CRYBG1: variants seen among roughly 807,000 people sequenced by gnomAD.
The protein encoded by CRYBG1 is crystallin beta-gamma domain containing 1.
Under a neutral mutation model 189.2 loss-of-function variants are expected in CRYBG1, and 139 were observed. The observed-to-expected ratio is 0.73, with a 90% confidence interval of 0.64 to 0.85. CRYBG1 has a LOEUF of 0.85. Among genes scored for constraint, CRYBG1 ranks in the 40% least tolerant of loss-of-function variants. CRYBG1 has a pLI of 0.00. For missense variants in CRYBG1, 2,611 were observed against 2,675.8 expected, an observed-to-expected ratio of 0.98 and a Z score of 0.53; for synonymous variants, 1,023 against 1,017.1, an observed-to-expected ratio of 1.01 and a Z score of -0.11.
intron 1 of CRYBG1, among the ~76,000 whole-genome samples, chr6:106,369,637 T>C (rs540795963): frequency 1.1e-4 from 16 of 152,324 alleles, no homozygotes; most frequent in South Asian, 4.1e-4. Flanking sequence ...ATATGCTGCA[T>C]ATAAGATAAG....
At chr6:106,489,787 CAAAAAAA>C (rs10593320) in intron 2 of CRYBG1, among the ~76,000 whole-genome samples, 6 of 81,682 alleles carry the variant, frequency 7.3e-5, no homozygotes, top group African/African-American at 1.6e-4. Flanking sequence ...ACTCTGTGTC[CAAAAAAA>C]AAAAAAAAAA....
intron 1 of CRYBG1, among the ~76,000 whole-genome samples, chr6:106,397,033 T>C (rs1384529618): frequency 1.3e-5 from 2 of 152,262 alleles, no homozygotes; most frequent in African/African-American, 2.4e-5. Flanking sequence ...ACATCTAAAC[T>C]AAAGTTGCTG....
chr6:106,562,727 T>G (rs1774760655), intron 20 of CRYBG1, among the ~76,000 whole-genome samples: 2 of 152,248 alleles, frequency 1.3e-5, no homozygotes, highest in Admixed American at 1.3e-4. Flanking sequence ...GACCTCGTGA[T>G]CCACCTGCCT....
At chr6:106,434,240 C>A (rs908108666) in intron 1 of CRYBG1, among the ~76,000 whole-genome samples, 1 of 152,020 alleles carries the variant, frequency 6.6e-6, no homozygotes, top group East Asian at 1.9e-4. Context: ...ATTACCTAGT[C>A]TTGGAAGTGA....
In CRYBG1 at chr6:106,519,889, T is replaced by C; in HGVS notation, c.2681T>C (p.Ile894Thr). ...VPKDTCVQSP[I>T]SSFPCTDLKV... The stretch of plus-strand genomic sequence containing the variant: ...AAAGACACATGTGTTCAATCACCCA[T>C]AAGCAGTTTCCCATGCACTGATCTA... The change falls in exon 4 of 22, where the codon ATA (isoleucine) becomes ACA (threonine). Residue 894 changes from isoleucine to threonine, a missense_variant. By Grantham distance (89) the Ile-to-Thr change is moderately conservative. Coordinates refer to ENST00000633556, the MANE Select transcript of CRYBG1 (RefSeq NM_001371242.2). 1 of 1,614,164 alleles carries C rather than the reference T, an allele frequency of 6.2e-7. No homozygotes were observed. Among genetic ancestry groups the C allele is most frequent in the Non-Finnish European group, 8.5e-7 (1 of 1,180,032 alleles).
chr6:106,571,412 C>T lies in CRYBG1; in HGVS notation c.*2846C>T, dbSNP rs9320182. The T allele has an allele frequency of 0.16, 24,780 of 152,378 alleles. 2,477 individuals are homozygous for T. Among genetic ancestry groups the T allele is most frequent in the African/African-American group, 0.28 (11,670 of 41,454 alleles). The allele number at this position is 152,378 out of a possible 1,614,324, so 9.4% of individuals were successfully genotyped here. On this transcript the variant is annotated 3_prime_UTR_variant, in exon 22 of 22. Coordinates refer to ENST00000633556, the MANE Select transcript of CRYBG1 (RefSeq NM_001371242.2). ...AAAGTTTTAGTATTGTACATTAAGA[C>T]GATCAGGCCCAGCAGGGTGGTTCAC...
At chr6:106,361,122 C>G in intron 1 of CRYBG1, 41 bp downstream of exon 1, 1 of 1,519,562 alleles carries the variant, frequency 6.6e-7, no homozygotes, top group South Asian at 1.2e-5. Context: ...ACCTCCTCCT[C>G]CTCCTCCTTC....
At chr6:106,401,419 A>AT (rs1770717995) in intron 1 of CRYBG1, among the ~76,000 whole-genome samples, 1 of 101,324 alleles carries the variant, frequency 9.9e-6, no homozygotes, top group African/African-American at 4.2e-5. Flanking sequence ...TTCTTTTTTT[A>AT]TTATACTCTA....
At position 106,480,500 on chromosome 6, in the gene CRYBG1, A is replaced by G. The variant is rs112862221; in HGVS notation, c.312+28668A>G. On this transcript the variant is annotated intron_variant, in intron 2 of 21. Transcript: ENST00000633556. Reference sequence around the variant, plus strand: ...TAACACGGTATTTTTTTCTCTACTGAAAAAAAAAAAAAAAAATTTAGCCAG... The same window carrying G: ...TAACACGGTATTTTTTTCTCTACTGGAAAAAAAAAAAAAAAATTTAGCCAG... 2.4e-3 allele frequency among the ~76,000 whole-genome samples: 181 copies of G among 74,384 alleles called. 2 individuals are homozygous for G. The highest frequency in any genetic ancestry group is 5.4e-3 in the Middle Eastern group (1 of 186). 48.8% of individuals were successfully genotyped at this position (74,384 alleles called of 152,430 possible). A position where few individuals can be genotyped will look rare whatever the true frequency, so the allele number is the denominator to read the frequency against.
chr6:106,428,623 T>A (rs1771269951), intron 1 of CRYBG1, among the ~76,000 whole-genome samples: 1 of 152,214 alleles, frequency 6.6e-6, no homozygotes, highest in Admixed American at 6.6e-5. Context: ...GTGAAGAATC[T>A]TAAAGTCAGA....
chr6:106,378,880 T>C (rs1054866010), intron 1 of CRYBG1, among the ~76,000 whole-genome samples: 4 of 152,204 alleles, frequency 2.6e-5, no homozygotes, highest in Non-Finnish European at 5.9e-5. Flanking sequence ...CCAGGTGTGG[T>C]GGCTCATGCC....
intron 1 of CRYBG1, among the ~76,000 whole-genome samples, chr6:106,434,182 AAG>A (rs1328629220): frequency 6.6e-6 from 1 of 151,296 alleles, no homozygotes; most frequent in Non-Finnish European, 1.5e-5. Flanking sequence ...TTGAGACAGA[AAG>A]AGAGAGAAAG....
chr6:106,545,578 A>G (rs1248593859), intron 13 of CRYBG1, among the ~76,000 whole-genome samples: 1 of 152,224 alleles, frequency 6.6e-6, no homozygotes, highest in Non-Finnish European at 1.5e-5. Flanking sequence ...ACACTATCAG[A>G]ACTTAGTCTC....
At chr6:106,458,536 C>T (rs1231029199) in intron 2 of CRYBG1, among the ~76,000 whole-genome samples, 2 of 152,116 alleles carry the variant, frequency 1.3e-5, no homozygotes, top group Non-Finnish European at 2.9e-5. Flanking sequence ...GATCAGACTG[C>T]ATTTGTATGA....
Position 106,516,272 on chromosome 6 carries a change from C to CTAGGCAGAGTCTCACTCT in CRYBG1, c.1923-2859_1923-2858insTAGGCAGAGTCTCACTCT, listed in dbSNP as rs570152404. On this transcript the variant is annotated intron_variant, in intron 3 of 21. Coordinates refer to ENST00000633556, the MANE Select transcript of CRYBG1 (RefSeq NM_001371242.2). Reference sequence around the variant, plus strand: ...TTTTTTAGACAGAGTCTCACTCTGTCGCCCAGGCTGGAGTGTAGTGGCACA... The same window carrying CTAGGCAGAGTCTCACTCT: ...TTTTTTAGACAGAGTCTCACTCTGTCTAGGCAGAGTCTCACTCTGCCCAGGCTGGAGTGTAGTGGCACA... 2.6e-3 allele frequency among the ~76,000 whole-genome samples: 396 copies of CTAGGCAGAGTCTCACTCT among 149,782 alleles called. 3 individuals carry two copies. The highest frequency in any genetic ancestry group is 9.4e-3 in the African/African-American group (381 of 40,688).
At position 106,503,826 on chromosome 6, in the gene CRYBG1, G is replaced by A. The variant is rs75594413; in HGVS notation, c.313-7604G>A. On this transcript the variant is annotated intron_variant, in intron 2 of 21. Coordinates refer to ENST00000633556, the MANE Select transcript of CRYBG1 (RefSeq NM_001371242.2). ...ACTGGGAGTCTGCTTTTTAAAAGAA[G>A]CTTTTTGGGAGAATGAAATTATAAT... Among the ~76,000 whole-genome samples the A allele has an allele frequency of 0.011, 1,660 of 152,076 alleles. 123 individuals carry two copies. The East Asian group carries it at 0.21, about 19-fold the overall frequency.
rs1774419243 is a variant in CRYBG1 at position 106,552,207 on chromosome 6, A to T, written c.5463A>T (p.Arg1821Ser). 2 of 1,572,776 alleles carry T rather than the reference A, an allele frequency of 1.3e-6. No homozygotes were observed. The highest frequency in any genetic ancestry group is 1.7e-6 in the Non-Finnish European group (2 of 1,153,536). Residue 1821 changes from arginine to serine, a missense_variant, in exon 15 of 22, where the codon AGA (arginine) becomes AGT (serine). This residue lies in a region of CRYBG1 where 1,622 missense variants were observed against 1,735.0 expected (regional missense o/e 0.93). Transcript: ENST00000633556. Reference sequence around the variant, plus strand: ...AGGATTCTTTCACTGGCCCAAGGAGACGAAATCAGGTAACTTTAAAAATAT... The same window carrying T: ...AGGATTCTTTCACTGGCCCAAGGAGTCGAAATCAGGTAACTTTAAAAATAT... The part of the protein sequence containing the change: ...ICLDSFTGPR[R>S]RNQIHLFSEP...
intron 17 of CRYBG1, 126 bp from the exon 18 acceptor site, chr6:106,558,360 G>C (rs1221400201): frequency 8.6e-6 from 6 of 701,504 alleles, no homozygotes; most frequent in African/African-American, 1.8e-5. Flanking sequence ...CCTTGGAAAA[G>C]GAGTTTATGG....
intron 1 of CRYBG1, among the ~76,000 whole-genome samples, chr6:106,378,334 G>A (rs769674388): frequency 4.6e-5 from 7 of 152,112 alleles, no homozygotes; most frequent in African/African-American, 9.7e-5. Context: ...AAGCTGGTAC[G>A]GGGCATTCCC....
Sources: allele counts gnomAD v4.1 joint callset (sites outside exome capture counted in the v4.1 genomes callset), GRCh38; gene constraint gnomAD v4.1.1; regional missense constraint gnomAD v4.1.1; transcripts MANE v1.5; gene names NCBI Gene and HGNC (gene_info 2026-07-23, HGNC 2026-07-21).